TBC1D15: variants seen among roughly 807,000 people sequenced by gnomAD.
The protein encoded by TBC1D15 is TBC1 domain family member 15, also known as GAP for RAB7.
A neutral mutation model predicts 95.4 loss-of-function variants in TBC1D15; 39 were observed. The ratio of observed to expected loss-of-function variants is 0.41; its 90% CI spans 0.32 to 0.53. TBC1D15 has a LOEUF of 0.53. Among genes scored for constraint, TBC1D15 ranks in the 20% least tolerant of loss-of-function variants. TBC1D15 has a pLI of 0.29. For synonymous variants in TBC1D15, 258 were observed against 261.3 expected (o/e 0.99, Z 0.12); for missense variants, 733 against 794.3 (o/e 0.92, Z 0.93).
intron 3 of TBC1D15, among the ~76,000 whole-genome samples, chr12:71,880,035 A>G (rs1894815280): frequency 6.6e-6 from 1 of 152,220 alleles, no homozygotes. Flanking sequence ...AAGAAATTAT[A>G]CAACCATTGA....
At chr12:71,911,759 AACTT>A (rs1902419633) in intron 11 of TBC1D15, among the ~76,000 whole-genome samples, 1 of 152,088 alleles carries the variant, frequency 6.6e-6, no homozygotes, top group Admixed American at 6.6e-5. Flanking sequence ...TGTACCCTAA[AACTT>A]AAAGTATAAT....
At chr12:71,889,908 C>T (rs144612222) in intron 5 of TBC1D15, among the ~76,000 whole-genome samples, 63 of 152,244 alleles carry the variant, frequency 4.1e-4, no homozygotes, top group African/African-American at 1.1e-3. Flanking sequence ...CTTTCTGTTC[C>T]TGCATTAGTT....
At chr12:71,872,009 T>C in intron 1 of TBC1D15, 61 bp from the exon 2 acceptor site, 2 of 683,392 alleles carry the variant, frequency 2.9e-6, no homozygotes, top group Non-Finnish European at 4.6e-6. Flanking sequence ...CTTAATATTT[T>C]AACATGTTAA....
chr12:71,867,957 A>AT (rs1247908793), intron 1 of TBC1D15, among the ~76,000 whole-genome samples: 3 of 152,228 alleles, frequency 2.0e-5, no homozygotes, highest in Non-Finnish European at 2.9e-5. Flanking sequence ...CAATGCAACT[A>AT]TTTTTTTCCT....
intron 3 of TBC1D15, among the ~76,000 whole-genome samples, chr12:71,873,619 G>A (rs1381255884): frequency 6.6e-6 from 1 of 152,144 alleles, no homozygotes; most frequent in Non-Finnish European, 1.5e-5. Context: ...TTATAATTGT[G>A]TGTTTAACAT....
At chr12:71,855,660 T>C (rs1592702782) in intron 1 of TBC1D15, among the ~76,000 whole-genome samples, 1 of 93,526 alleles carries the variant, frequency 1.1e-5, no homozygotes, top group Non-Finnish European at 1.8e-5. Flanking sequence ...AGAGCGAGAC[T>C]CCATCTCAAA....
At chr12:71,880,399 C>G in intron 3 of TBC1D15, 70 bp from the exon 4 acceptor site, 1 of 1,361,934 alleles carries the variant, frequency 7.3e-7, no homozygotes, top group Admixed American at 2.4e-5. Context: ...AACATTGAAG[C>G]TAAGATGATA....
intron 12 of TBC1D15, among the ~76,000 whole-genome samples, chr12:71,917,245 TGG>T (rs1903932660): frequency 6.6e-6 from 1 of 152,210 alleles, no homozygotes; most frequent in Admixed American, 6.5e-5. Context: ...AAAATGGTTT[TGG>T]CTTTACAGAT....
At chr12:71,872,200 A>G (rs920458010) in intron 2 of TBC1D15, 32 bp downstream of exon 2, 2 of 1,301,460 alleles carry the variant, frequency 1.5e-6, no homozygotes, top group Non-Finnish European at 1.1e-6. Flanking sequence ...TTATTTAATA[A>G]TAGTTTATGG....
intron 12 of TBC1D15, among the ~76,000 whole-genome samples, chr12:71,917,187 T>G (rs1345869602): frequency 6.6e-6 from 1 of 152,146 alleles, no homozygotes; most frequent in Non-Finnish European, 1.5e-5. Context: ...TTTGCACTTG[T>G]GAAAGAATTT....
chr12:71,867,443 A>G (rs368907984), intron 1 of TBC1D15, among the ~76,000 whole-genome samples: 1 of 152,244 alleles, frequency 6.6e-6, no homozygotes, highest in African/African-American at 2.4e-5. Flanking sequence ...AGAGATGTAG[A>G]TAACAATACT....
At chr12:71,885,075 A>C in intron 5 of TBC1D15, 54 bp downstream of exon 5, 1 of 1,565,706 alleles carries the variant, frequency 6.4e-7, no homozygotes, top group Non-Finnish European at 8.7e-7. Context: ...TATTAATCCC[A>C]AAGCAAACTA....
At chr12:71,842,867 G>A (rs1885397462) in intron 1 of TBC1D15, among the ~76,000 whole-genome samples, 1 of 151,194 alleles carries the variant, frequency 6.6e-6, no homozygotes, top group Non-Finnish European at 1.5e-5. Context: ...AAAAGAAAAT[G>A]AGGAGGGATT....
intron 1 of TBC1D15, among the ~76,000 whole-genome samples, chr12:71,861,119 G>C (rs2138118986): frequency 6.6e-6 from 1 of 152,166 alleles, no homozygotes; most frequent in East Asian, 1.9e-4. Flanking sequence ...GTATTTTGTT[G>C]AGAATTTTTG....
chr12:71,883,334 A>G (rs962582555), intron 4 of TBC1D15, among the ~76,000 whole-genome samples: 39 of 152,266 alleles, frequency 2.6e-4, no homozygotes, highest in African/African-American at 9.4e-4. Flanking sequence ...GTGAAACATT[A>G]TGTAAAGTAG....
chr12:71,877,992 A>G (rs1436374666), intron 3 of TBC1D15, among the ~76,000 whole-genome samples: 2 of 152,204 alleles, frequency 1.3e-5, no homozygotes, highest in Admixed American at 1.3e-4. Context: ...GCCTGGTAAT[A>G]GTGAGACTCT....
chr12:71,921,959 T>A (rs2139129195), intron 16 of TBC1D15, among the ~76,000 whole-genome samples: 1 of 152,304 alleles, frequency 6.6e-6, no homozygotes, highest in African/African-American at 2.4e-5. Flanking sequence ...TTTCTTTCTA[T>A]TAAGAGAAAG....
chr12:71,896,547 CTGAAT>C (rs757750183), intron 8 of TBC1D15, 125 bp from the exon 9 acceptor site: 34 of 722,960 alleles, frequency 4.7e-5, no homozygotes, highest in Non-Finnish European at 6.8e-5. Context: ...ATGATATTCA[CTGAAT>C]TGAACTATTT....
Position 71,924,099 on chromosome 12 carries a change from A to G in TBC1D15, c.*895A>G, listed in dbSNP as rs1012353474. 6.6e-6 allele frequency: 1 copy of G among 152,580 alleles called. No individual in the cohort carries two copies. Among genetic ancestry groups the G allele is most frequent in the African/African-American group, 2.4e-5 (1 of 41,438 alleles). 9.5% of individuals were successfully genotyped at this position (152,580 alleles called of 1,614,324 possible). On this transcript the variant is annotated 3_prime_UTR_variant, in exon 17 of 17. Coordinates refer to ENST00000485960, the MANE Select transcript of TBC1D15 (RefSeq NM_001146213.3). ...ATTAACTGATTAATCAGGTGTTTAA[A>G]TTTTTATAAAATACTCTTGCAAAAA...
Sources: gnomAD v4.1 joint callset for allele counts (sites outside exome capture counted in the v4.1 genomes callset) on GRCh38, gnomAD v4.1.1 for gene constraint, MANE v1.5 for transcripts, NCBI Gene and HGNC (gene_info 2026-07-23, HGNC 2026-07-21) for gene names.